PDE3B: variants seen among roughly 807,000 people sequenced by gnomAD.
The protein encoded by PDE3B is phosphodiesterase 3B.
A neutral mutation model predicts 116.8 loss-of-function variants in PDE3B; 66 were observed. The observed-to-expected ratio is 0.56, with a 90% CI of 0.46 to 0.69. The LOEUF is 0.69. Ranked by LOEUF, PDE3B falls within the 30% of genes least tolerant of loss-of-function variation. The pLI is 0.00. For missense variants in PDE3B, 1,384 were observed against 1,368.1 expected (o/e 1.01, Z -0.18); for synonymous variants, 595 against 533.6 (o/e 1.12, Z -1.59).
chr11:14,771,987 A>G lies in PDE3B; in HGVS notation c.1029A>G (p.Gln343=), dbSNP rs1015095953. The change falls in exon 2 of 16, where the codon CAA becomes CAG. Residue 343 remains glutamine (Q), a splice_region_variant and synonymous_variant. Coordinates refer to ENST00000282096, the MANE Select transcript of PDE3B (RefSeq NM_000922.4). Reference sequence around the variant, plus strand: ...AACAATGGTATAAGCCTCATTATCAAGTAAGTATAATTAATATCTGTGATG... The same window carrying G: ...AACAATGGTATAAGCCTCATTATCAGGTAAGTATAATTAATATCTGTGATG... ...DLKQWYKPHY[Q]NSGGGNGVDL... The G allele has an allele frequency of 1.6e-5, 19 of 1,202,224 alleles. No individual in the cohort carries two copies. In the Admixed American group the frequency reaches 3.5e-4, roughly 22 times the overall value. The allele number at this position is 1,202,224 out of a possible 1,614,324, so 74.5% of individuals were successfully genotyped here. A position where few individuals can be genotyped will look rare whatever the true frequency, so the allele number is the denominator to read the frequency against.
the PDE3B span, chr11:14,891,077 A>G: frequency 1.0e-6 from 1 of 985,252 alleles, no homozygotes; most frequent in African/African-American, 1.7e-5. Flanking sequence ...AATAAGTGTA[A>G]TTCAAAACAA....
chr11:14,839,499 A>G (rs746045805), intron 11 of PDE3B, among the ~76,000 whole-genome samples: 7 of 152,240 alleles, frequency 4.6e-5, no homozygotes, highest in African/African-American at 1.2e-4. Flanking sequence ...ATTATTCTCA[A>G]TGTAATCAGG....
chr11:14,705,338 G>A (rs1188268934), intron 1 of PDE3B, among the ~76,000 whole-genome samples: 1 of 151,730 alleles, frequency 6.6e-6, no homozygotes, highest in Non-Finnish European at 1.5e-5. Context: ...CACACACATG[G>A]ATAAGTCTTA....
intron 1 of PDE3B, among the ~76,000 whole-genome samples, chr11:14,759,427 C>G (rs1448966063): frequency 6.6e-6 from 1 of 152,068 alleles, no homozygotes; most frequent in Non-Finnish European, 1.5e-5. Context: ...GCACCACATT[C>G]CTTTTTACAC....
At chr11:14,771,429 C>CT (rs1288989218) in intron 1 of PDE3B, among the ~76,000 whole-genome samples, 1 of 151,630 alleles carries the variant, frequency 6.6e-6, no homozygotes, top group East Asian at 1.9e-4. Context: ...AAAACAATCA[C>CT]TAATTATGTG....
At chr11:14,824,645 G>A (rs1475316255) in intron 7 of PDE3B, among the ~76,000 whole-genome samples, 2 of 151,640 alleles carry the variant, frequency 1.3e-5, no homozygotes, top group African/African-American at 4.9e-5. Flanking sequence ...ATTGTGTAAA[G>A]AGGCCAAATC....
intron 4 of PDE3B, among the ~76,000 whole-genome samples, chr11:14,803,375 G>C (rs771335250): frequency 2.0e-5 from 3 of 152,164 alleles, no homozygotes; most frequent in Non-Finnish European, 2.9e-5. Context: ...GTCAATACTT[G>C]TGAGGATAGG....
chr11:14,821,007 A>G (rs1211364892), intron 7 of PDE3B, among the ~76,000 whole-genome samples: 1 of 152,226 alleles, frequency 6.6e-6, no homozygotes, highest in Admixed American at 6.5e-5. Flanking sequence ...ATTAAGTGTC[A>G]TATTTCTTTG....
At chr11:14,679,947 G>C (rs1373075833) in intron 1 of PDE3B, among the ~76,000 whole-genome samples, 1 of 152,004 alleles carries the variant, frequency 6.6e-6, no homozygotes, top group East Asian at 1.9e-4. Flanking sequence ...TAGTGGACCA[G>C]GAAGCATGGG....
chr11:14,672,909 A>C (rs550623926), intron 1 of PDE3B, among the ~76,000 whole-genome samples: 18 of 142,932 alleles, frequency 1.3e-4, no homozygotes, highest in African/African-American at 4.3e-4. Flanking sequence ...GTCATAGCAA[A>C]AACTTTACTT....
At chr11:14,682,160 G>T (rs959215187) in intron 1 of PDE3B, among the ~76,000 whole-genome samples, 23 of 152,136 alleles carry the variant, frequency 1.5e-4, no homozygotes, top group Non-Finnish European at 2.6e-4. Flanking sequence ...AGTAGGTTGG[G>T]GAGGCGGAGG....
At chr11:14,873,351 A>T (rs1848162470), downstream of PDE3B, among the ~76,000 whole-genome samples, 2 of 152,204 alleles carry the variant, frequency 1.3e-5, no homozygotes, top group Non-Finnish European at 2.9e-5. Context: ...ATTTGTTGTT[A>T]ATTTTGTCTT....
intron 1 of PDE3B, among the ~76,000 whole-genome samples, chr11:14,671,269 G>T (rs1363608380): frequency 1.3e-5 from 2 of 152,120 alleles, no homozygotes; most frequent in East Asian, 3.9e-4. Flanking sequence ...GGTGCTTTAG[G>T]TATGGTAGGA....
chr11:14,709,487 C>G (rs1855634712), intron 1 of PDE3B, among the ~76,000 whole-genome samples: 1 of 152,106 alleles, frequency 6.6e-6, no homozygotes, highest in South Asian at 2.1e-4. Flanking sequence ...TACCAGTAAC[C>G]TGGAGGCACT....
At chr11:14,734,505 T>C (rs1194615757) in intron 1 of PDE3B, among the ~76,000 whole-genome samples, 1 of 152,214 alleles carries the variant, frequency 6.6e-6, no homozygotes, top group Non-Finnish European at 1.5e-5. Flanking sequence ...AAGATTTTGC[T>C]TTTTTCTCTG....
chr11:14,805,882 T>C (rs752342647), intron 5 of PDE3B, among the ~76,000 whole-genome samples: 14 of 152,048 alleles, frequency 9.2e-5, no homozygotes, highest in Non-Finnish European at 1.8e-4. Context: ...CCAACAGACA[T>C]AGGAAAAAAT....
At chr11:14,798,567 T>G (rs2133928780) in intron 4 of PDE3B, among the ~76,000 whole-genome samples, 1 of 152,260 alleles carries the variant, frequency 6.6e-6, no homozygotes, top group Admixed American at 6.5e-5. Context: ...GTCCTGGACT[T>G]TTTTTTGGTT....
At chr11:14,848,363 C>G (rs529138690) in intron 12 of PDE3B, among the ~76,000 whole-genome samples, 126 of 143,980 alleles carry the variant, frequency 8.8e-4, no homozygotes, top group Non-Finnish European at 1.1e-3. Flanking sequence ...CTATCTATGA[C>G]AAACCCACAG....
chr11:14,730,544 T>G (rs1856429427), intron 1 of PDE3B, among the ~76,000 whole-genome samples: 1 of 152,252 alleles, frequency 6.6e-6, no homozygotes, highest in Admixed American at 6.5e-5. Context: ...GAGACTTGGT[T>G]GGACACATGA....
Sources: gnomAD v4.1 joint callset for allele counts (sites outside exome capture counted in the v4.1 genomes callset) on GRCh38, gnomAD v4.1.1 for gene constraint, MANE v1.5 for transcripts, NCBI Gene and HGNC (gene_info 2026-07-23, HGNC 2026-07-21) for gene names.